Variants in ROBO1 observed in about 807,000 individuals in gnomAD.
The protein encoded by ROBO1 is roundabout guidance receptor 1, also known as roundabout homolog 1.
Under a neutral mutation model 195.9 loss-of-function variants are expected in ROBO1, and 149 were observed. The ratio of observed to expected loss-of-function variants is 0.76; its 90% CI spans 0.67 to 0.87. The LOEUF is 0.87. Ranked by LOEUF, ROBO1 falls within the 40% of genes least tolerant of loss-of-function variation. ROBO1 has a pLI of 0.00. For synonymous variants in ROBO1, 816 were observed against 733.2 expected (o/e 1.11, Z -1.82); for missense variants, 1,933 against 2,068.3 (o/e 0.93, Z 1.27).
intron 19 of ROBO1, 35 bp downstream of exon 19, chr3:78,651,697 A>G (rs1364885328): frequency 6.9e-7 from 1 of 1,454,820 alleles, no homozygotes; most frequent in Non-Finnish European, 9.2e-7. Context: ...AGTTTTATAA[A>G]CATTAAAATA....
intron 2 of ROBO1, among the ~76,000 whole-genome samples, chr3:79,376,228 C>T (rs903120078): frequency 1.3e-5 from 2 of 152,160 alleles, no homozygotes; most frequent in Admixed American, 6.5e-5. Flanking sequence ...CCTCTTCATA[C>T]TTTATGACAC....
At chr3:79,477,485 A>G (rs1938605586) in intron 2 of ROBO1, among the ~76,000 whole-genome samples, 1 of 152,104 alleles carries the variant, frequency 6.6e-6, no homozygotes, top group Non-Finnish European at 1.5e-5. Context: ...TTAGGTGCAG[A>G]TGAGAGGGAT....
At chr3:78,662,936 T>A (rs1331929599) in intron 14 of ROBO1, among the ~76,000 whole-genome samples, 1 of 152,152 alleles carries the variant, frequency 6.6e-6, no homozygotes, top group Admixed American at 6.5e-5. Flanking sequence ...TGCCCATTTC[T>A]GAAGCGGTTT....
rs1422995830 is a variant in ROBO1, at chr3:79,575,408, G to GATAACAAATATATATATAAATATATAT, written c.88+14389_88+14415dup. 3.8e-3 allele frequency among the ~76,000 whole-genome samples: 422 copies of GATAACAAATATATATATAAATATATAT among 111,742 alleles called. 5 individuals carry two copies. The highest frequency in any genetic ancestry group is 0.015 in the African/African-American group (406 of 27,880). 73.3% of individuals were successfully genotyped at this position (111,742 alleles called of 152,430 possible). The stretch of plus-strand genomic sequence containing the variant: ...TAGATAACAAATATATATAAATATA[G>GATAACAAATATATATATAAATATATAT]ATAACAAATATATATATAAATATAT... On this transcript the variant is annotated intron_variant, in intron 2 of 30. Coordinates refer to ENST00000464233, the MANE Select transcript of ROBO1 (RefSeq NM_002941.4).
chr3:78,690,658 A>T (rs2081152215), intron 8 of ROBO1, among the ~76,000 whole-genome samples: 1 of 152,072 alleles, frequency 6.6e-6, no homozygotes, highest in Non-Finnish European at 1.5e-5. Flanking sequence ...GAAAGAATTG[A>T]CTGGATAATA....
chr3:79,552,023 G>A (rs544184014), intron 2 of ROBO1, among the ~76,000 whole-genome samples: 2,016 of 85,246 alleles, frequency 0.024, 61 homozygotes, highest in African/African-American at 0.085. Context: ...AACAGAGCTC[G>A]AGACATTTTG....
At chr3:79,039,725 C>T (rs2078447305) in intron 3 of ROBO1, among the ~76,000 whole-genome samples, 1 of 131,274 alleles carries the variant, frequency 7.6e-6, no homozygotes, top group South Asian at 2.5e-4. Context: ...AACCAGGACC[C>T]GGGAGGCAGA....
intron 14 of ROBO1, among the ~76,000 whole-genome samples, chr3:78,662,914 CA>C (rs1201376684): frequency 6.6e-6 from 1 of 151,880 alleles, no homozygotes; most frequent in Non-Finnish European, 1.5e-5. Context: ...AGTCTACACT[CA>C]AAAAAACATT....
intron 2 of ROBO1, among the ~76,000 whole-genome samples, chr3:79,541,104 A>G (rs148353004): frequency 5.1e-4 from 77 of 152,256 alleles, no homozygotes; most frequent in South Asian, 1.7e-3. Flanking sequence ...ATAAAAACAT[A>G]TAGGTAACCA....
chr3:79,371,703 G>C (rs1280467387), intron 2 of ROBO1, among the ~76,000 whole-genome samples: 2 of 152,162 alleles, frequency 1.3e-5, no homozygotes, highest in African/African-American at 4.8e-5. Context: ...ACTGTTAATG[G>C]ACTGAATATT....
intron 1 of ROBO1, among the ~76,000 whole-genome samples, chr3:79,746,378 C>T (rs1257293000): frequency 6.6e-6 from 1 of 151,682 alleles, no homozygotes; most frequent in Admixed American, 6.6e-5. Context: ...GTGATACAAG[C>T]ATTAATTAAT....
chr3:79,358,350 G>A (rs1005261013), intron 2 of ROBO1, among the ~76,000 whole-genome samples: 7 of 151,986 alleles, frequency 4.6e-5, no homozygotes, highest in Non-Finnish European at 1.0e-4. Context: ...GGGGTCCAAA[G>A]GAATAAGCAA....
chr3:79,505,346 G>C (rs1176518141), intron 2 of ROBO1, among the ~76,000 whole-genome samples: 1 of 152,096 alleles, frequency 6.6e-6, no homozygotes, highest in Non-Finnish European at 1.5e-5. Context: ...AAGAGAAAGA[G>C]ATTTCATCTC....
At chr3:79,056,314 C>T (rs1011895250) in intron 3 of ROBO1, among the ~76,000 whole-genome samples, 3 of 152,030 alleles carry the variant, frequency 2.0e-5, no homozygotes, top group Admixed American at 6.6e-5. Flanking sequence ...AGCCCAATTT[C>T]CCCAGGCCTA....
intron 2 of ROBO1, among the ~76,000 whole-genome samples, chr3:79,318,829 A>C (rs1351286821): frequency 7.9e-5 from 12 of 152,216 alleles, no homozygotes; most frequent in Admixed American, 7.9e-4. Context: ...CTGAAGGTCT[A>C]AGACAAAGAG....
intron 2 of ROBO1, among the ~76,000 whole-genome samples, chr3:79,240,162 A>T (rs2082486050): frequency 6.6e-6 from 1 of 152,196 alleles, no homozygotes; most frequent in South Asian, 2.1e-4. Context: ...ATACATTGTT[A>T]TTAACGATGG....
At chr3:79,500,322 G>T (rs1940000986) in intron 2 of ROBO1, among the ~76,000 whole-genome samples, 1 of 151,788 alleles carries the variant, frequency 6.6e-6, no homozygotes, top group Admixed American at 6.6e-5. Flanking sequence ...TAGAGACAGG[G>T]TTTCACCATG....
At chr3:79,037,989 A>C (rs1293201334) in intron 3 of ROBO1, among the ~76,000 whole-genome samples, 3 of 152,172 alleles carry the variant, frequency 2.0e-5, no homozygotes, top group African/African-American at 7.2e-5. Context: ...TTATGATCCA[A>C]GAAAGATTTT....
chr3:79,125,796 C>T (rs965201166), intron 2 of ROBO1, among the ~76,000 whole-genome samples: 1 of 152,196 alleles, frequency 6.6e-6, no homozygotes, highest in African/African-American at 2.4e-5. Context: ...CTTTGCTACA[C>T]TTCAAAGCTG....
Sources: gnomAD v4.1 joint callset for allele counts (sites outside exome capture counted in the v4.1 genomes callset) on GRCh38, gnomAD v4.1.1 for gene constraint, MANE v1.5 for transcripts, NCBI Gene and HGNC (gene_info 2026-07-23, HGNC 2026-07-21) for gene names.